ITGAV: variants seen among roughly 807,000 people sequenced by gnomAD.
ITGAV encodes the protein integrin alpha-V.
A neutral mutation model predicts 143.8 loss-of-function variants in ITGAV; 76 were observed. The ratio of observed to expected loss-of-function variants is 0.53; its 90% CI spans 0.44 to 0.64. The LOEUF (loss-of-function observed/expected upper bound fraction) is 0.64. Ranked by LOEUF, ITGAV falls within the 30% of genes least tolerant of loss-of-function variation. The probability of loss-of-function intolerance (pLI) is 0.00; values close to 1 mark genes in which losing one functional copy is unlikely to be tolerated. For missense variants in ITGAV, 1,193 were observed against 1,274.7 expected, an observed-to-expected ratio of 0.94 and a Z score of 0.98; for synonymous variants, 453 against 446.7, an observed-to-expected ratio of 1.01 and a Z score of -0.18.
intron 2 of ITGAV, among the ~76,000 whole-genome samples, chr2:186,602,876 TAAAAAAA>T (rs11297809): frequency 2.3e-5 from 3 of 130,910 alleles, no homozygotes; most frequent in African/African-American, 8.6e-5. Flanking sequence ...GACTCCATCT[TAAAAAAA>T]AAAAAAAAAA....
rs1689303904 is a variant in ITGAV, at chr2:186,679,756, A to G, written c.*2464A>G. On this transcript the variant is annotated 3_prime_UTR_variant, in exon 30 of 30. Transcript: ENST00000261023. ...ATTTCAGAATTGATATTTTGAGAAA[A>G]ATACATGTGAGTCATTTTTTCTGTT... 2 of 152,028 alleles carry G rather than the reference A, an allele frequency of 1.3e-5. No homozygotes were observed. 9.4% of individuals were successfully genotyped at this position (152,028 alleles called of 1,614,324 possible).
At position 186,676,873 on chromosome 2, in the gene ITGAV, A is replaced by T. The variant is rs766543825; in HGVS notation, c.2989A>T (p.Ile997Phe). The change falls in exon 29 of 30, where the codon ATC (isoleucine) becomes TTC (phenylalanine). Residue 997 changes from isoleucine to phenylalanine, a missense_variant. Ile to Phe is a conservative substitution (Grantham distance 21). Transcript: ENST00000261023. ...GCCCATGCCTGTGCCTGTGTGGGTG[A>T]TCATTTTAGCAGTTCTAGCAGGATT... ...PAPMPVPVWV[I>F]ILAVLAGLLL... 1 of 1,614,016 alleles carries T rather than the reference A, an allele frequency of 6.2e-7. No individual in the cohort carries two copies. The highest frequency in any genetic ancestry group is 1.1e-5 in the South Asian group (1 of 91,084).
chr2:186,643,784 A>G (rs998582520), intron 12 of ITGAV, among the ~76,000 whole-genome samples: 6 of 152,228 alleles, frequency 3.9e-5, no homozygotes, highest in African/African-American at 9.6e-5. Context: ...AATTGCATGA[A>G]TGTGTAGGAT....
At chr2:186,652,291 G>A (rs949756723) in intron 15 of ITGAV, among the ~76,000 whole-genome samples, 1 of 152,198 alleles carries the variant, frequency 6.6e-6, no homozygotes, top group Non-Finnish European at 1.5e-5. Context: ...CATGGCTTAA[G>A]TGATCCTTCC....
chr2:186,665,153 A>G lies in ITGAV; in HGVS notation c.2101A>G (p.Lys701Glu). ...EALARLSCAF[K>E]TENQTRQVVC... ...CTTAGCAAGACTTTCCTGTGCATTT[A>G]AGACAGAAAACCAAACTCGCCAGGT... The change falls in exon 21 of 30, where the codon AAG becomes GAG. Residue 701 changes from lysine (K) to glutamate (E), a missense_variant. Transcript: ENST00000261023. 1 of 1,606,802 alleles carries G rather than the reference A, an allele frequency of 6.2e-7. No individual in the cohort carries two copies.
At chr2:186,657,139 A>G (rs1057272260) in intron 17 of ITGAV, among the ~76,000 whole-genome samples, 2 of 152,202 alleles carry the variant, frequency 1.3e-5, no homozygotes, top group East Asian at 1.9e-4. Flanking sequence ...TCAAGCTTAT[A>G]ATCTTGGCAC....
At chr2:186,622,481 A>C in intron 3 of ITGAV, 51 bp downstream of exon 3, 3 of 1,168,166 alleles carry the variant, frequency 2.6e-6, no homozygotes, top group Non-Finnish European at 3.9e-6. Context: ...GTTTATGTGG[A>C]GACACAGAAG....
At chr2:186,622,709 G>A (rs999335808) in intron 3 of ITGAV, among the ~76,000 whole-genome samples, 6 of 152,100 alleles carry the variant, frequency 3.9e-5, no homozygotes, top group African/African-American at 1.4e-4. Flanking sequence ...GCCAAGTATA[G>A]GAATAGTGTG....
intron 4 of ITGAV, among the ~76,000 whole-genome samples, chr2:186,626,219 A>G (rs1687672385): frequency 6.6e-6 from 1 of 152,178 alleles, no homozygotes; most frequent in Non-Finnish European, 1.5e-5. Flanking sequence ...GCTCTTTGCT[A>G]ATATTACTTG....
rs140883772 is a variant in ITGAV, at chr2:186,594,830, T to C, written c.185+4307T>C. 2.9e-3 allele frequency among the ~76,000 whole-genome samples: 449 copies of C among 152,360 alleles called. 2 individuals are homozygous for C. Among genetic ancestry groups the C allele is most frequent in the African/African-American group, 0.01 (432 of 41,578 alleles). On this transcript the variant is annotated intron_variant, in intron 1 of 29. Coordinates refer to ENST00000261023, the MANE Select transcript of ITGAV (RefSeq NM_002210.5). ...TTTTTTATAAACTTCAGAGTAGCTC[T>C]GATTATATTGGCTGATTTTTCTCAT...
At position 186,679,948 on chromosome 2, in the gene ITGAV, A is replaced by G. The variant is rs202175563; in HGVS notation, c.*2656A>G. The G allele has an allele frequency of 1.3e-5, 2 of 152,130 alleles. No individual in the cohort carries two copies. The highest frequency in any genetic ancestry group is 2.9e-5 in the Non-Finnish European group (2 of 67,942). 9.4% of individuals were successfully genotyped at this position (152,130 alleles called of 1,614,324 possible). A position where few individuals can be genotyped will look rare whatever the true frequency, so the allele number is the denominator to read the frequency against. On this transcript the variant is annotated 3_prime_UTR_variant, in exon 30 of 30. Transcript: ENST00000261023. ...AAGAAAACTCAAGTATTAATAAAAG[A>G]GACTTTACTGGCTTAAGAGGGCTGT...
chr2:186,638,326 A>G lies in ITGAV; in HGVS notation c.846+6A>G, dbSNP rs1177676100. The stretch of plus-strand genomic sequence containing the variant: ...CAGCAAGGACTTTGGGAATGGTAGG[A>G]CAGTTAAAAGGTATTTTTTAAAAAA... On this transcript the variant is annotated splice_donor_region_variant and intron_variant, in intron 9 of 29. Transcript: ENST00000261023. 1 of 1,613,178 alleles carries G rather than the reference A, an allele frequency of 6.2e-7. No individual in the cohort carries two copies. Among genetic ancestry groups the G allele is most frequent in the Non-Finnish European group, 8.5e-7 (1 of 1,179,204 alleles).
chr2:186,652,526 T>C (rs1688464968), intron 15 of ITGAV, among the ~76,000 whole-genome samples: 1 of 152,178 alleles, frequency 6.6e-6, no homozygotes, highest in South Asian at 2.1e-4. Flanking sequence ...AATTGGATTA[T>C]AGAAATAGTG....
At position 186,637,045 on chromosome 2, in the gene ITGAV, C is replaced by G. The variant is rs760116431; in HGVS notation, c.758-20C>G. 6.2e-7 allele frequency: 1 copy of G among 1,609,688 alleles called. No homozygotes were observed. Among genetic ancestry groups the G allele is most frequent in the African/African-American group, 1.3e-5 (1 of 74,720 alleles). On this transcript the variant is annotated intron_variant, in intron 7 of 29. Transcript: ENST00000261023. ...TAACGTCCTTGTCCTGATGGTTCTC[C>G]CCTTTGGTTTCCTGTTTAGGTTATT...
In ITGAV at chr2:186,656,489, T is replaced by C. The variant is rs992593327; in HGVS notation, c.1719+88T>C. On this transcript the variant is annotated intron_variant, in intron 17 of 29. Transcript: ENST00000261023. ...GATTTTCACTTTCTGTAAATTAGTG[T>C]TAGATCAAAAGGAAAAACAGAAAAA... 4.9e-6 allele frequency: 5 copies of C among 1,023,308 alleles called. No homozygotes were observed. The African/African-American group carries it at 8.4e-5, about 17-fold the overall frequency. The allele number at this position is 1,023,308 out of a possible 1,614,324, so 63.4% of individuals were successfully genotyped here.
chr2:186,631,778 G>GT (rs1378718765), intron 5 of ITGAV, among the ~76,000 whole-genome samples: 1 of 152,044 alleles, frequency 6.6e-6, no homozygotes, highest in Non-Finnish European at 1.5e-5. Flanking sequence ...CATGCCTGTA[G>GT]TCCCAGCACT....
rs368013496 is a variant in ITGAV, at chr2:186,649,853, A to G, written c.1365A>G (p.Gly455=). Reference sequence around the variant, plus strand: ...CTCTTTCTTAAGACTTAATTGTAGGAGCTTTTGGTGTAGATCGAGCTATCT... The same window carrying G: ...CTCTTTCTTAAGACTTAATTGTAGGGGCTTTTGGTGTAGATCGAGCTATCT... ...DKNGYPDLIV[G]AFGVDRAILY... is the part of the protein sequence containing the mutation. The change falls in exon 14 of 30, where the codon GGA becomes GGG. Residue 455 remains glycine, a synonymous_variant. Coordinates refer to ENST00000261023, the MANE Select transcript of ITGAV (RefSeq NM_002210.5). 17 of 1,594,712 alleles carry G rather than the reference A, an allele frequency of 1.1e-5. No homozygotes were observed. Among genetic ancestry groups the G allele is most frequent in the Non-Finnish European group, 1.5e-5 (17 of 1,169,824 alleles).
intron 15 of ITGAV, among the ~76,000 whole-genome samples, chr2:186,653,010 A>G (rs1688481476): frequency 7.1e-6 from 1 of 141,016 alleles, no homozygotes; most frequent in Non-Finnish European, 1.5e-5. Flanking sequence ...CAGTGGCGCA[A>G]TCTCGGCTCA....
At chr2:186,646,369 G>A (rs1688257064) in intron 12 of ITGAV, among the ~76,000 whole-genome samples, 1 of 152,160 alleles carries the variant, frequency 6.6e-6, no homozygotes, top group South Asian at 2.1e-4. Context: ...GAAAGTTTAA[G>A]TGATTGGTTT....
Sources: gnomAD v4.1 joint callset for allele counts (sites outside exome capture counted in the v4.1 genomes callset) on GRCh38, gnomAD v4.1.1 for gene constraint, MANE v1.5 for transcripts, NCBI Gene and HGNC (gene_info 2026-07-23, HGNC 2026-07-21) for gene names.